EIF4E3: variants seen among roughly 807,000 people sequenced by gnomAD.
EIF4E3 encodes eukaryotic translation initiation factor 4E family member 3.
EIF4E3 carries 26 observed loss-of-function variants against 31.7 expected under a neutral mutation model. The observed-to-expected ratio is 0.82, with a 90% confidence interval of 0.60 to 1.14. The LOEUF (loss-of-function observed/expected upper bound fraction) is 1.14, where lower values mean the gene tolerates loss of function less well. Among genes scored for constraint, EIF4E3 ranks in the 50% most tolerant of loss-of-function variants. The probability of loss-of-function intolerance (pLI) is 0.00; values close to 1 mark genes in which losing one functional copy is unlikely to be tolerated. For synonymous variants in EIF4E3, 128 were observed against 107.7 expected, an observed-to-expected ratio of 1.19 and a Z score of -1.17; for missense variants, 304 against 270.9, an observed-to-expected ratio of 1.12 and a Z score of -0.86.
intron 2 of EIF4E3, among the ~76,000 whole-genome samples, chr3:71,707,310 C>T (rs542481379): frequency 6.6e-6 from 1 of 152,300 alleles, no homozygotes; most frequent in South Asian, 2.1e-4. Flanking sequence ...TAGTAAGTGT[C>T]ACATATGGGA....
At position 71,681,422 on chromosome 3, in the gene EIF4E3, G is replaced by A. The variant is rs981344533; in HGVS notation, c.*3260C>T. ...AACTAATAGCAAAAGCCCACTTCCT[G>A]TCATAGGAAGGTTATTTTCAAACTC... On this transcript the variant is annotated 3_prime_UTR_variant, in exon 7 of 7. Transcript: ENST00000425534. 6.6e-6 allele frequency: 1 copy of A among 152,216 alleles called. No individual in the cohort carries two copies. Among genetic ancestry groups the A allele is most frequent in the Non-Finnish European group, 1.5e-5 (1 of 68,066 alleles). The allele number at this position is 152,216 out of a possible 1,614,324, so 9.4% of individuals were successfully genotyped here.
intron 1 of EIF4E3, among the ~76,000 whole-genome samples, chr3:71,749,617 T>C (rs1463000339): frequency 6.6e-6 from 1 of 152,148 alleles, no homozygotes; most frequent in East Asian, 1.9e-4. Flanking sequence ...TGCCAACCAG[T>C]TCCTCTGAAC....
Position 71,710,459 on chromosome 3 carries a change from C to G in EIF4E3, c.202G>C (p.Glu68Gln). ...DRSLPGATAAECASNLKKIYT... is the reference protein window; with the variant it reads ...DRSLPGATAAQCASNLKKIYT... Reference sequence around the variant, plus strand: ...ATTTTCTTCAGATTTGATGCGCACTCAGCTGCTGTGGCACCAGGGAGGGAT... The same window carrying G: ...ATTTTCTTCAGATTTGATGCGCACTGAGCTGCTGTGGCACCAGGGAGGGAT... Residue 68 changes from glutamate to glutamine, a missense_variant, in exon 2 of 7, where the codon GAG (glutamate) becomes CAG (glutamine). Glu to Gln is a conservative substitution (Grantham distance 29, BLOSUM62 2). Transcript: ENST00000425534. 1 of 1,551,082 alleles carries G rather than the reference C, an allele frequency of 6.4e-7. No individual in the cohort carries two copies. Among genetic ancestry groups the G allele is most frequent in the African/African-American group, 1.4e-5 (1 of 72,728 alleles).
At chr3:71,706,291 C>T (rs1187229777) in intron 2 of EIF4E3, among the ~76,000 whole-genome samples, 1 of 152,078 alleles carries the variant, frequency 6.6e-6, no homozygotes, top group East Asian at 1.9e-4. Context: ...AATGTTTGGG[C>T]CTCTTACCTC....
At chr3:71,722,475 T>C (rs942970238) in intron 1 of EIF4E3, among the ~76,000 whole-genome samples, 1 of 152,128 alleles carries the variant, frequency 6.6e-6, no homozygotes, top group Admixed American at 6.5e-5. Context: ...AGGAAGCAGT[T>C]AGAGACACAT....
At chr3:71,666,907 C>G in the EIF4E3 span, among the ~76,000 whole-genome samples, 1 of 152,072 alleles carries the variant, frequency 6.6e-6, no homozygotes, top group South Asian at 2.1e-4. Flanking sequence ...CCACTGCACT[C>G]CAGCCTGCAC....
chr3:71,710,650 T>TTG (rs1377416366), intron 1 of EIF4E3, among the ~76,000 whole-genome samples, 166 bp from the exon 2 acceptor site: 2 of 152,200 alleles, frequency 1.3e-5, no homozygotes, highest in African/African-American at 4.8e-5. Context: ...AATCCCTACT[T>TTG]TGTGAAGTCA....
At chr3:71,674,559 G>A (rs2048862698), downstream of EIF4E3, among the ~76,000 whole-genome samples, 1 of 152,088 alleles carries the variant, frequency 6.6e-6, no homozygotes, top group South Asian at 2.1e-4. Flanking sequence ...TTCCCAATAT[G>A]GTACAATAAG....
At chr3:71,661,074 T>C in the EIF4E3 span, among the ~76,000 whole-genome samples, 1 of 152,178 alleles carries the variant, frequency 6.6e-6, no homozygotes, top group Admixed American at 6.5e-5. Flanking sequence ...TCCTCTTAAT[T>C]GCCCCCACAG....
chr3:71,670,958 A>C (rs143324282), downstream of EIF4E3, among the ~76,000 whole-genome samples: 1,395 of 152,082 alleles, frequency 9.2e-3, 17 homozygotes, highest in Admixed American at 0.019. Flanking sequence ...TCACTTCGCA[A>C]ACCAAAACAG....
chr3:71,746,310 G>A (rs977561044), intron 1 of EIF4E3, among the ~76,000 whole-genome samples: 6 of 152,182 alleles, frequency 3.9e-5, no homozygotes, highest in African/African-American at 1.4e-4. Context: ...ACAGCTTAGT[G>A]CATTTTTGGA....
chr3:71,709,804 T>C (rs1411274416), intron 2 of EIF4E3, among the ~76,000 whole-genome samples: 1 of 152,186 alleles, frequency 6.6e-6, no homozygotes, highest in East Asian at 1.9e-4. Flanking sequence ...CCACTAAGCA[T>C]GGCATAAACA....
At chr3:71,702,174 C>T (rs2049226765) in intron 2 of EIF4E3, among the ~76,000 whole-genome samples, 1 of 152,150 alleles carries the variant, frequency 6.6e-6, no homozygotes, top group Non-Finnish European at 1.5e-5. Flanking sequence ...AAGAGGGACA[C>T]ATGTTGAAGA....
chr3:71,666,045 C>T, the EIF4E3 span, among the ~76,000 whole-genome samples: 5 of 152,012 alleles, frequency 3.3e-5, no homozygotes, highest in African/African-American at 1.2e-4. Flanking sequence ...ACTAGAGAAG[C>T]AAGAGCAAAC....
At chr3:71,703,687 C>G (rs988746064) in intron 2 of EIF4E3, among the ~76,000 whole-genome samples, 1 of 151,916 alleles carries the variant, frequency 6.6e-6, no homozygotes, top group African/African-American at 2.4e-5. Context: ...CTGAAATGTT[C>G]TGAAGAAAAA....
At chr3:71,689,275 T>G (rs1578334959) in intron 6 of EIF4E3, among the ~76,000 whole-genome samples, 2 of 152,316 alleles carry the variant, frequency 1.3e-5, no homozygotes, top group African/African-American at 4.8e-5. Flanking sequence ...TATAGGAAAT[T>G]TATCATACAT....
chr3:71,665,091 T>C, the EIF4E3 span, among the ~76,000 whole-genome samples: 1 of 152,230 alleles, frequency 6.6e-6, no homozygotes, highest in Non-Finnish European at 1.5e-5. Flanking sequence ...CCCTGATGCA[T>C]GGTGGCCCTG....
chr3:71,754,286 G>C, upstream of EIF4E3: 1 of 1,142,120 alleles, frequency 8.8e-7, no homozygotes. This position sits in a 1 kb window ranked among gnomAD's most constrained non-coding sequence, Gnocchi z 5.8. Context: ...TGCTGGCGGC[G>C]CGGCGTGCGG....
At chr3:71,725,909 G>C (rs1338477789), upstream of EIF4E3, among the ~76,000 whole-genome samples, 1 of 152,156 alleles carries the variant, frequency 6.6e-6, no homozygotes, top group Non-Finnish European at 1.5e-5. This position sits in a 1 kb window ranked among gnomAD's most constrained non-coding sequence, Gnocchi z 6.1. Flanking sequence ...GAGAGAAGGA[G>C]GGATGGAGGG....
Sources: gnomAD v4.1 joint callset for allele counts (sites outside exome capture counted in the v4.1 genomes callset) on GRCh38, gnomAD v4.1.1 for gene constraint, Gnocchi (gnomAD v3.1) non-coding constraint, MANE v1.5 for transcripts, NCBI Gene and HGNC (gene_info 2026-07-23, HGNC 2026-07-21) for gene names.